The following NAALADL2 variants were observed in gnomAD, a reference collection of about 807,000 sequenced individuals.
NAALADL2 encodes the protein inactive N-acetylated-alpha-linked acidic dipeptidase-like protein 2.
In NAALADL2, 76 loss-of-function variants were observed where a neutral mutation model predicts 87.2. The ratio of observed to expected loss-of-function variants is 0.87; its 90% CI spans 0.72 to 1.05. NAALADL2 has a LOEUF of 1.05. NAALADL2 is among the 50% of genes least tolerant of loss of function. The pLI, the probability that NAALADL2 is intolerant of heterozygous loss-of-function variation, is 0.00. For missense variants in NAALADL2, 1,089 were observed against 945.8 expected (o/e 1.15, Z -1.99); for synonymous variants, 354 against 331.0 (o/e 1.07, Z -0.75).
At chr3:174,923,903 C>A (rs545575558) in intron 1 of NAALADL2, among the ~76,000 whole-genome samples, 1 of 152,096 alleles carries the variant, frequency 6.6e-6, no homozygotes, top group Admixed American at 6.5e-5. Context: ...CATGCCTTGT[C>A]CCCTGGCAGA....
chr3:175,371,831 T>C (rs1193412481), intron 5 of NAALADL2, among the ~76,000 whole-genome samples: 2 of 151,260 alleles, frequency 1.3e-5, no homozygotes, highest in East Asian at 2.0e-4. Context: ...AAAAAAAAGA[T>C]AACCACTAAA....
chr3:175,271,955 A>T (rs1020019343), intron 4 of NAALADL2, among the ~76,000 whole-genome samples: 1 of 152,218 alleles, frequency 6.6e-6, no homozygotes, highest in African/African-American at 2.4e-5. Flanking sequence ...ATATCTAATG[A>T]ATTATATAAT....
intron 2 of NAALADL2, among the ~76,000 whole-genome samples, chr3:175,205,812 A>G (rs981284827): frequency 6.6e-6 from 1 of 151,430 alleles, no homozygotes; most frequent in African/African-American, 2.4e-5. Flanking sequence ...TTCTCAAAAG[A>G]AGATATACAA....
chr3:175,604,583 C>T (rs1418016851), intron 10 of NAALADL2, among the ~76,000 whole-genome samples: 3 of 152,114 alleles, frequency 2.0e-5, no homozygotes, highest in African/African-American at 4.8e-5. Context: ...GGATTCCAGG[C>T]GTGAGGCACC....
intron 2 of NAALADL2, among the ~76,000 whole-genome samples, chr3:174,699,791 G>A (rs937639805): frequency 6.8e-5 from 10 of 147,300 alleles, no homozygotes; most frequent in African/African-American, 2.5e-4. Context: ...GTTCATATGT[G>A]GTTAATTTTA....
At chr3:175,347,751 T>C (rs2148863617) in intron 5 of NAALADL2, among the ~76,000 whole-genome samples, 1 of 152,262 alleles carries the variant, frequency 6.6e-6, no homozygotes, top group South Asian at 2.1e-4. Context: ...TTATTGTTAT[T>C]ATACTTTAAG....
At chr3:174,728,047 A>C (rs1037993177) in intron 2 of NAALADL2, among the ~76,000 whole-genome samples, 1 of 152,066 alleles carries the variant, frequency 6.6e-6, no homozygotes, top group Non-Finnish European at 1.5e-5. Flanking sequence ...TTGTGGCTTG[A>C]TAACTCAGTT....
chr3:174,898,355 GTAGA>G, intron 1 of NAALADL2, among the ~76,000 whole-genome samples: 1 of 151,034 alleles, frequency 6.6e-6, no homozygotes, highest in South Asian at 2.1e-4. Flanking sequence ...TAGGAGGAGG[GTAGA>G]TAGATAATGC....
chr3:175,732,759 G>A (rs1743947010), intron 11 of NAALADL2, among the ~76,000 whole-genome samples: 1 of 152,058 alleles, frequency 6.6e-6, no homozygotes, highest in African/African-American at 2.4e-5. Context: ...CAACATTGGG[G>A]ATAAGACTCT....
intron 3 of NAALADL2, 108 bp downstream of exon 3, chr3:175,234,312 T>C: frequency 8.3e-7 from 1 of 1,204,190 alleles, no homozygotes; most frequent in Non-Finnish European, 1.2e-6. Context: ...AAAGTAACCA[T>C]TAAATCTTTT....
chr3:174,893,672 G>A (rs760166037), intron 1 of NAALADL2, among the ~76,000 whole-genome samples: 8 of 152,208 alleles, frequency 5.3e-5, no homozygotes, highest in Non-Finnish European at 7.4e-5. Flanking sequence ...AATAGTATTT[G>A]CAAGCCTCAT....
chr3:175,315,538 G>C (rs1380008127), intron 4 of NAALADL2, among the ~76,000 whole-genome samples: 1 of 152,050 alleles, frequency 6.6e-6, no homozygotes, highest in Non-Finnish European at 1.5e-5. Flanking sequence ...TTTTAGGGTA[G>C]AAATATTCCC....
chr3:175,518,500 C>T (rs1227187870), intron 9 of NAALADL2, among the ~76,000 whole-genome samples: 1 of 152,216 alleles, frequency 6.6e-6, no homozygotes, highest in Non-Finnish European at 1.5e-5. Context: ...ATATATGAAA[C>T]TGGTTAATTT....
chr3:175,591,612 TA>T (rs891048109), intron 10 of NAALADL2, among the ~76,000 whole-genome samples: 2 of 152,076 alleles, frequency 1.3e-5, no homozygotes, highest in African/African-American at 4.8e-5. Context: ...GGCATGAGTA[TA>T]AACAAACAAA....
At chr3:174,847,543 T>C (rs1405873954) in intron 3 of NAALADL2, among the ~76,000 whole-genome samples, 1 of 152,212 alleles carries the variant, frequency 6.6e-6, no homozygotes, top group African/African-American at 2.4e-5. Flanking sequence ...TGTCTGATTT[T>C]GGATGGTTGG....
intron 1 of NAALADL2, among the ~76,000 whole-genome samples, chr3:174,944,672 T>C (rs1290268843): frequency 6.6e-6 from 1 of 152,156 alleles, no homozygotes; most frequent in Non-Finnish European, 1.5e-5. Flanking sequence ...TCCCAGGTCT[T>C]AGCCTGTGCC....
intron 9 of NAALADL2, among the ~76,000 whole-genome samples, chr3:175,482,705 C>T (rs918244692): frequency 2.6e-5 from 4 of 151,748 alleles, no homozygotes; most frequent in Admixed American, 1.3e-4. Flanking sequence ...ATTATCTCTC[C>T]CTTTCAGCTT....
At chr3:174,460,654 A>G (rs1027356054) in intron 1 of NAALADL2, among the ~76,000 whole-genome samples, 3 of 151,806 alleles carry the variant, frequency 2.0e-5, no homozygotes, top group Non-Finnish European at 4.4e-5. Flanking sequence ...TTTTCAACAT[A>G]TAGAGAACAG....
At chr3:175,784,155 T>TA (rs1057055269) in intron 13 of NAALADL2, among the ~76,000 whole-genome samples, 2 of 149,490 alleles carry the variant, frequency 1.3e-5, no homozygotes, top group African/African-American at 2.5e-5. Context: ...GATATTGGTC[T>TA]AAAATTCTCT....
Sources: gnomAD v4.1 joint callset for allele counts (sites outside exome capture counted in the v4.1 genomes callset) on GRCh38, gnomAD v4.1.1 for gene constraint, MANE v1.5 for transcripts, NCBI Gene and HGNC (gene_info 2026-07-23, HGNC 2026-07-21) for gene names.